The following SH3PXD2A variants were observed in gnomAD, a reference collection of about 807,000 sequenced individuals.
SH3PXD2A encodes the protein SH3 and PX domains 2A, also known as SH3 and PX domain-containing protein 2A.
A neutral mutation model predicts 115.2 loss-of-function variants in SH3PXD2A; 32 were observed. The observed-to-expected ratio is 0.28, with a 90% CI of 0.21 to 0.37. SH3PXD2A has a LOEUF of 0.37. Among genes scored for constraint, SH3PXD2A ranks in the 10% least tolerant of loss-of-function variants. The probability of loss-of-function intolerance (pLI) is 1.00; values close to 1 mark genes in which losing one functional copy is unlikely to be tolerated. For missense variants in SH3PXD2A, 1,328 were observed against 1,498.7 expected, an observed-to-expected ratio of 0.89 and a Z score of 1.88; for synonymous variants, 610 against 629.1, an observed-to-expected ratio of 0.97 and a Z score of 0.45.
At chr10:103,700,682 G>A (rs2037882274) in intron 5 of SH3PXD2A, among the ~76,000 whole-genome samples, 1 of 152,206 alleles carries the variant, frequency 6.6e-6, no homozygotes. Flanking sequence ...AATGGGGCAG[G>A]GGATTGCCAG....
rs879670691 is a variant in SH3PXD2A, at chr10:103,602,777, CCCT to C, written c.2438_2440del (p.Glu813del). The stretch of plus-strand genomic sequence containing the variant: ...GAGGTCGGATGAGCTTCTCCTAGAC[CCCT>C]CACTGGGAGCCTCGGAGGCCGTCTG... On this transcript the variant is annotated inframe_deletion, in exon 15 of 15. Transcript: ENST00000369774. The C allele has an allele frequency of 1.2e-6, 2 of 1,613,954 alleles. No homozygotes were observed. Among genetic ancestry groups the C allele is most frequent in the Non-Finnish European group, 1.7e-6 (2 of 1,179,930 alleles).
At chr10:103,830,321 G>A (rs1470667764) in intron 1 of SH3PXD2A, among the ~76,000 whole-genome samples, 1 of 152,220 alleles carries the variant, frequency 6.6e-6, no homozygotes, top group African/African-American at 2.4e-5. Context: ...AACTCACTAT[G>A]TCTTCCAATG....
At chr10:103,604,326 G>A (rs2036268181) in intron 14 of SH3PXD2A, among the ~76,000 whole-genome samples, 1 of 152,214 alleles carries the variant, frequency 6.6e-6, no homozygotes, top group South Asian at 2.1e-4. Context: ...TCCACCCGCT[G>A]TGGTCATCTT....
At chr10:103,734,477 G>A (rs1329791995) in intron 4 of SH3PXD2A, among the ~76,000 whole-genome samples, 2 of 152,294 alleles carry the variant, frequency 1.3e-5, no homozygotes, top group African/African-American at 2.4e-5. Flanking sequence ...GGCTGGGTGC[G>A]GTGGCTCACG....
intron 5 of SH3PXD2A, chr10:103,693,485 A>G (rs2037787286): frequency 6.6e-6 from 1 of 151,742 alleles, no homozygotes; most frequent in South Asian, 2.1e-4. Flanking sequence ...TCACCTCCCA[A>G]TTCTTTGCAT....
intron 6 of SH3PXD2A, among the ~76,000 whole-genome samples, chr10:103,689,253 C>A (rs1307417519): frequency 6.6e-6 from 1 of 152,048 alleles, no homozygotes; most frequent in African/African-American, 2.4e-5. Flanking sequence ...GCAGTGAGAC[C>A]AGGTAGGAAG....
At chr10:103,604,577 G>A (rs934926321) in intron 14 of SH3PXD2A, among the ~76,000 whole-genome samples, 27 of 152,202 alleles carry the variant, frequency 1.8e-4, no homozygotes, top group Non-Finnish European at 2.9e-4. Context: ...CACTCCTGGA[G>A]GAAAAGGTCC....
At chr10:103,709,354 A>AC (rs1347447619) in intron 5 of SH3PXD2A, among the ~76,000 whole-genome samples, 2 of 152,160 alleles carry the variant, frequency 1.3e-5, no homozygotes, top group African/African-American at 4.8e-5. Context: ...CCTTCTCTGG[A>AC]CTGCACAACC....
intron 13 of SH3PXD2A, among the ~76,000 whole-genome samples, chr10:103,607,968 G>GTCA (rs961929987): frequency 4.0e-5 from 6 of 151,622 alleles, no homozygotes; most frequent in African/African-American, 1.5e-4. Flanking sequence ...CTCGTTAAGA[G>GTCA]TCATCACCAC....
At position 103,620,571 on chromosome 10, in the gene SH3PXD2A, C is replaced by A. The variant is rs1402570144; in HGVS notation, c.802+1899G>T. Among the ~76,000 whole-genome samples, 1 of 152,208 alleles carries A rather than the reference C, an allele frequency of 6.6e-6. No homozygotes were observed. Among genetic ancestry groups the A allele is most frequent in the Admixed American group, 6.5e-5 (1 of 15,286 alleles). On this transcript the variant is annotated intron_variant, in intron 10 of 14. Coordinates refer to ENST00000369774, the MANE Select transcript of SH3PXD2A (RefSeq NM_001394015.1). The surrounding 1 kb of genome is among the most constrained non-coding windows in gnomAD (Gnocchi z 5.3). Reference sequence around the variant, plus strand: ...GCTTTTCTCTTGTCTAGCTCCTCCACAACCTGCAGCCTGCCTCCCCGACCA... The same window carrying A: ...GCTTTTCTCTTGTCTAGCTCCTCCAAAACCTGCAGCCTGCCTCCCCGACCA...
chr10:103,851,737 T>C (rs1045154338), intron 1 of SH3PXD2A, among the ~76,000 whole-genome samples: 7 of 152,212 alleles, frequency 4.6e-5, no homozygotes, highest in Non-Finnish European at 8.8e-5. Context: ...TCACCATCGA[T>C]GGTAACTGCT....
At chr10:103,672,979 G>A (rs1273404642) in intron 6 of SH3PXD2A, among the ~76,000 whole-genome samples, 1 of 152,186 alleles carries the variant, frequency 6.6e-6, no homozygotes, top group Non-Finnish European at 1.5e-5. Context: ...CCAAATACAG[G>A]GACCCAAAGG....
Position 103,727,869 on chromosome 10 carries a change from T to C in SH3PXD2A, c.307-3508A>G, listed in dbSNP as rs145995754. On this transcript the variant is annotated intron_variant, in intron 4 of 14. Coordinates refer to ENST00000369774, the MANE Select transcript of SH3PXD2A (RefSeq NM_001394015.1). Reference sequence around the variant, plus strand: ...AGCCCAGAGCAGCTTCCATCAGAGCTGCTGCCAAAGCTCAGCTCTGGCCAA... The same window carrying C: ...AGCCCAGAGCAGCTTCCATCAGAGCCGCTGCCAAAGCTCAGCTCTGGCCAA... Among the ~76,000 whole-genome samples the C allele has an allele frequency of 3.1e-3, 474 of 152,340 alleles. 2 individuals are homozygous for C. The highest frequency in any genetic ancestry group is 6.8e-3 in the Middle Eastern group (2 of 294).
chr10:103,829,004 C>T (rs1205758350), intron 1 of SH3PXD2A, among the ~76,000 whole-genome samples: 2 of 152,174 alleles, frequency 1.3e-5, no homozygotes, highest in African/African-American at 4.8e-5. Context: ...GGTTCTTCCA[C>T]CCTTTTGAAG....
intron 4 of SH3PXD2A, among the ~76,000 whole-genome samples, chr10:103,731,866 G>T (rs75201469): frequency 1.3e-5 from 2 of 152,158 alleles, no homozygotes; most frequent in Non-Finnish European, 2.9e-5. Flanking sequence ...AAGTGCAGAG[G>T]GGGAGGGTCA....
At chr10:103,838,760 G>A (rs999239829) in intron 1 of SH3PXD2A, among the ~76,000 whole-genome samples, 1 of 152,162 alleles carries the variant, frequency 6.6e-6, no homozygotes. Flanking sequence ...TGCCCACGGC[G>A]GCATCTGGCA....
chr10:103,770,351 G>A (rs1449402957), intron 2 of SH3PXD2A, among the ~76,000 whole-genome samples: 1 of 150,246 alleles, frequency 6.7e-6, no homozygotes, highest in Non-Finnish European at 1.5e-5. Context: ...AGGACCAGGT[G>A]TGTGCCACAA....
chr10:103,602,292 C>A lies in SH3PXD2A; in HGVS notation c.2926G>T (p.Ala976Ser), dbSNP rs527994174. ...ACAAACACCGACTGGGGCCTGACCG[C>A]CACCTGCCGCACTCCGTTCCTCATC... The part of the protein sequence containing the change: ...VKMRNGVRQV[A>S]VRPQSVFVSP... Residue 976 changes from alanine to serine, a missense_variant, in exon 15 of 15, where the codon GCG becomes TCG. Ala to Ser is a moderately conservative substitution (Grantham distance 99). Coordinates refer to ENST00000369774, the MANE Select transcript of SH3PXD2A (RefSeq NM_001394015.1). 3.1e-6 allele frequency: 5 copies of A among 1,613,594 alleles called. No homozygotes were observed. The African/African-American group carries it at 6.7e-5, about 21-fold the overall frequency.
At chr10:103,612,250 A>G (rs144426699) in intron 12 of SH3PXD2A, among the ~76,000 whole-genome samples, 326 of 152,338 alleles carry the variant, frequency 2.1e-3, no homozygotes, top group African/African-American at 5.6e-3. Flanking sequence ...TGTAGAAATG[A>G]AGATGATTCT....
Sources: allele counts gnomAD v4.1 joint callset (sites outside exome capture counted in the v4.1 genomes callset), GRCh38; gene constraint gnomAD v4.1.1; non-coding constraint Gnocchi (gnomAD v3.1); transcripts MANE v1.5; gene names NCBI Gene and HGNC (gene_info 2026-07-23, HGNC 2026-07-21).